Variants in FAM107B observed in about 807,000 individuals in gnomAD.
FAM107B encodes the protein protein FAM107B.
Under a neutral mutation model 31.5 loss-of-function variants are expected in FAM107B, and 21 were observed. The ratio of observed to expected loss-of-function variants is 0.67; its 90% CI spans 0.47 to 0.96. The LOEUF (loss-of-function observed/expected upper bound fraction) is 0.96, where lower values mean the gene tolerates loss of function less well. Ranked by LOEUF, FAM107B falls within the 40% of genes least tolerant of loss-of-function variation. FAM107B has a pLI of 0.00. For missense variants in FAM107B, 452 were observed against 377.1 expected, an observed-to-expected ratio of 1.20 and a Z score of -1.64; for synonymous variants, 157 against 141.5, an observed-to-expected ratio of 1.11 and a Z score of -0.78.
chr10:14,754,712 T>C (rs1002342935), intron 1 of FAM107B, among the ~76,000 whole-genome samples: 1 of 152,198 alleles, frequency 6.6e-6, no homozygotes, highest in South Asian at 2.1e-4. Context: ...CTCTGGCCTT[T>C]TCAGTAACAG....
chr10:14,681,779 C>T (rs1265265022), intron 1 of FAM107B, among the ~76,000 whole-genome samples: 1 of 152,172 alleles, frequency 6.6e-6, no homozygotes, highest in African/African-American at 2.4e-5. Flanking sequence ...ATGCTGGCCA[C>T]AATGCTGTTC....
intron 1 of FAM107B, among the ~76,000 whole-genome samples, chr10:14,684,246 A>G (rs937139913): frequency 1.3e-5 from 2 of 152,194 alleles, no homozygotes; most frequent in African/African-American, 4.8e-5. Flanking sequence ...TGACGTCAGG[A>G]GTTCAAGACC....
chr10:14,698,843 A>G (rs1855328227), intron 1 of FAM107B, among the ~76,000 whole-genome samples: 1 of 152,262 alleles, frequency 6.6e-6, no homozygotes, highest in African/African-American at 2.4e-5. Flanking sequence ...AAGCAATTGC[A>G]GTATTTGCCA....
intron 2 of FAM107B, among the ~76,000 whole-genome samples, chr10:14,547,622 C>G (rs1470126052): frequency 1.3e-5 from 2 of 152,060 alleles, no homozygotes; most frequent in Admixed American, 6.5e-5. Flanking sequence ...TGTCAGTGCT[C>G]AAAAAATTTT....
At position 14,772,362 on chromosome 10, in the gene FAM107B, A is replaced by AAAAT. The variant is rs10651238; in HGVS notation, c.411+1890_411+1891insATTT. Among the ~76,000 whole-genome samples the AAAAT allele has an allele frequency of 5.2e-4, 76 of 145,632 alleles. 1 individual carries two copies. Among genetic ancestry groups the AAAAT allele is most frequent in the African/African-American group, 1.8e-3 (69 of 38,360 alleles). On this transcript the variant is annotated intron_variant, in intron 1 of 4. Coordinates refer to ENST00000181796, the MANE Select transcript of FAM107B (RefSeq NM_031453.4). ...GAGCAAGACTCCATCTTAAAAAAAA[A>AAAAT]ATATATATATATATATATGCACCTC...
chr10:14,656,113 T>C (rs1854046651), intron 2 of FAM107B, among the ~76,000 whole-genome samples: 1 of 152,200 alleles, frequency 6.6e-6, no homozygotes, highest in African/African-American at 2.4e-5. Flanking sequence ...GGAACGACTT[T>C]AGGACAAGTC....
At chr10:14,590,989 CAAAAAAAAAAAA>C (rs35000609) in intron 2 of FAM107B, among the ~76,000 whole-genome samples, 15 of 67,016 alleles carry the variant, frequency 2.2e-4, no homozygotes, top group African/African-American at 8.8e-4. Context: ...AACTCCATCT[CAAAAAAAAAAAA>C]AAAAAAAAAA....
intron 1 of FAM107B, among the ~76,000 whole-genome samples, chr10:14,686,517 C>T (rs1326621516): frequency 6.6e-6 from 1 of 152,130 alleles, no homozygotes; most frequent in Non-Finnish European, 1.5e-5. Context: ...GGAATTATGT[C>T]TATGAGCAGA....
chr10:14,773,647 C>G (rs1181200192), intron 1 of FAM107B, among the ~76,000 whole-genome samples: 1 of 120,006 alleles, frequency 8.3e-6, no homozygotes, highest in Non-Finnish European at 1.6e-5. Context: ...AGAGCAGTGG[C>G]ACCATTTTTT....
chr10:14,533,388 C>T (rs1847242585), intron 2 of FAM107B, among the ~76,000 whole-genome samples: 2 of 152,124 alleles, frequency 1.3e-5, no homozygotes, highest in South Asian at 4.1e-4. Flanking sequence ...CCAGAAGGCT[C>T]AAGTTGCCAT....
rs375405617 is a variant in FAM107B at position 14,706,092 on chromosome 10, G to A, written c.412-38401C>T. On this transcript the variant is annotated intron_variant, in intron 1 of 4. Coordinates refer to ENST00000181796, the MANE Select transcript of FAM107B (RefSeq NM_031453.4). ...ACTCTGTTGAACAGAGGATTGGCCT[G>A]ATAAACATTCTTTCCTGATAAGCAA... is the stretch of plus-strand genomic sequence containing the variant. Among the ~76,000 whole-genome samples, 47 of 152,310 alleles carry A rather than the reference G, an allele frequency of 3.1e-4. No individual in the cohort carries two copies. The South Asian group carries it at 6.0e-3, about 19-fold the overall frequency.
intron 2 of FAM107B, among the ~76,000 whole-genome samples, chr10:14,608,014 T>A (rs925081443): frequency 6.7e-6 from 1 of 149,438 alleles, no homozygotes; most frequent in Admixed American, 6.7e-5. Flanking sequence ...AAAGCAGAAA[T>A]GACTATTTGG....
intron 1 of FAM107B, among the ~76,000 whole-genome samples, chr10:14,745,129 T>A (rs1399720910): frequency 6.6e-6 from 1 of 152,206 alleles, no homozygotes; most frequent in Admixed American, 6.5e-5. Context: ...GTTGTTTGCA[T>A]TTCTGTGGGG....
In FAM107B at chr10:14,628,112, G is replaced by GTTTTTTTT. The variant is rs71505033; in HGVS notation, c.469+39514_469+39521dup. The stretch of plus-strand genomic sequence containing the variant: ...TCCTTGTTTGTTTTTTGTTTTGCTG[G>GTTTTTTTT]TTTTTTTTTTTTTTTTTTTTTGAGA... On this transcript the variant is annotated intron_variant, in intron 2 of 4. Transcript: ENST00000181796. Among the ~76,000 whole-genome samples the GTTTTTTTT allele has an allele frequency of 4.3e-3, 398 of 92,634 alleles. 21 individuals are homozygous for GTTTTTTTT. Among genetic ancestry groups the GTTTTTTTT allele is most frequent in the African/African-American group, 0.012 (297 of 25,770 alleles). The allele number at this position is 92,634 out of a possible 152,430, so 60.8% of individuals were successfully genotyped here. A position where few individuals can be genotyped will look rare whatever the true frequency, so the allele number is the denominator to read the frequency against.
chr10:14,768,419 G>A (rs535804794), intron 1 of FAM107B, among the ~76,000 whole-genome samples: 20 of 152,256 alleles, frequency 1.3e-4, no homozygotes, highest in African/African-American at 2.4e-4. Flanking sequence ...TACAGTAATC[G>A]AAACAGTGTG....
At chr10:14,543,167 G>C (rs1848380109) in intron 2 of FAM107B, among the ~76,000 whole-genome samples, 1 of 152,182 alleles carries the variant, frequency 6.6e-6, no homozygotes, top group African/African-American at 2.4e-5. Context: ...TACCAGCAAA[G>C]CACGTTCTGT....
chr10:14,709,094 G>A (rs1855582740), intron 1 of FAM107B, among the ~76,000 whole-genome samples: 1 of 152,176 alleles, frequency 6.6e-6, no homozygotes, highest in Non-Finnish European at 1.5e-5. Context: ...TTCTTTACTG[G>A]TGAAATACAA....
At chr10:14,538,388 T>C (rs1343259388) in intron 2 of FAM107B, among the ~76,000 whole-genome samples, 1 of 152,194 alleles carries the variant, frequency 6.6e-6, no homozygotes, top group East Asian at 1.9e-4. Flanking sequence ...GCAATGAGAA[T>C]GAACTGGCAA....
In FAM107B at chr10:14,748,149, T is replaced by C. The variant is rs1242953308; in HGVS notation, c.411+26104A>G. Among the ~76,000 whole-genome samples the C allele has an allele frequency of 2.0e-5, 3 of 152,346 alleles. No individual in the cohort carries two copies. In the East Asian group the frequency reaches 5.8e-4, roughly 29 times the overall value. ...TTGTTTACTTGTCTATTTTAGCAAC[T>C]AGATTGTGGGCTACTTAAGAAGAAA... On this transcript the variant is annotated intron_variant, in intron 1 of 4. Transcript: ENST00000181796.
Sources: allele counts gnomAD v4.1 joint callset (sites outside exome capture counted in the v4.1 genomes callset), GRCh38; gene constraint gnomAD v4.1.1; transcripts MANE v1.5; gene names NCBI Gene and HGNC (gene_info 2026-07-23, HGNC 2026-07-21).